The following UNC13C variants were observed in gnomAD, a reference collection of about 807,000 sequenced individuals.
UNC13C encodes unc-13 homolog C.
UNC13C carries 174 observed loss-of-function variants against 245.4 expected under a neutral mutation model. The observed-to-expected ratio is 0.71, with a 90% CI of 0.63 to 0.80. The LOEUF is 0.80. UNC13C is among the 30% of genes least tolerant of loss of function. The pLI, the probability that UNC13C is intolerant of heterozygous loss-of-function variation, is 0.00. For synonymous variants in UNC13C, 992 were observed against 895.1 expected (o/e 1.11, Z -1.93); for missense variants, 2,829 against 2,602.9 (o/e 1.09, Z -1.89).
chr15:54,220,472 G>A (rs12913512), intron 4 of UNC13C, among the ~76,000 whole-genome samples: 2 of 149,508 alleles, frequency 1.3e-5, no homozygotes, highest in Non-Finnish European at 1.5e-5. Flanking sequence ...GGGAGGGATA[G>A]CATTAGGAGA....
At chr15:54,533,212 T>G (rs1895840400) in intron 26 of UNC13C, 146 bp downstream of exon 26, 7 of 608,950 alleles carry the variant, frequency 1.1e-5, no homozygotes, top group Non-Finnish European at 1.9e-5. Context: ...AATAAATAAA[T>G]TCATTAAAAA....
At chr15:54,601,093 G>A in intron 30 of UNC13C, among the ~76,000 whole-genome samples, 1 of 152,188 alleles carries the variant, frequency 6.6e-6, no homozygotes, top group East Asian at 1.9e-4. Flanking sequence ...TGGCTTGAGG[G>A]TTGGACAAGC....
intron 19 of UNC13C, among the ~76,000 whole-genome samples, chr15:54,469,970 G>A (rs1031523477): frequency 1.3e-5 from 2 of 151,532 alleles, no homozygotes; most frequent in Admixed American, 6.6e-5. Flanking sequence ...TTATCATAAA[G>A]TGATGTTTAA....
intron 30 of UNC13C, among the ~76,000 whole-genome samples, chr15:54,601,522 G>A (rs920168692): frequency 3.3e-5 from 5 of 152,210 alleles, no homozygotes; most frequent in Non-Finnish European, 7.3e-5. Flanking sequence ...TGTGGGCAAA[G>A]TGGTGTAGAA....
At chr15:54,485,009 T>G (rs575150181) in intron 19 of UNC13C, among the ~76,000 whole-genome samples, 1 of 152,210 alleles carries the variant, frequency 6.6e-6, no homozygotes, top group Non-Finnish European at 1.5e-5. Flanking sequence ...TGAATTTTTT[T>G]TTTGTTTTAT....
At position 54,235,031 on chromosome 15, in the gene UNC13C, G is replaced by A; in HGVS notation, c.3073G>A (p.Ala1025Thr). 1 of 1,613,668 alleles carries A rather than the reference G, an allele frequency of 6.2e-7. No individual in the cohort carries two copies. The highest frequency in any genetic ancestry group is 1.1e-5 in the South Asian group (1 of 91,062). The part of the protein sequence containing the change: ...KFSALQVCGG[A>T]GGGLYGIDSM... ...TATTGGTTTTATTTTGTCTTTCAGG[G>A]CTGGAGGTGGACTTTATGGTATTGA... Residue 1025 changes from alanine (A) to threonine (T), a missense_variant and splice_region_variant, in exon 5 of 33, where the codon GCT (alanine) becomes ACT (threonine). By Grantham distance (58) the Ala-to-Thr change is moderately conservative. Transcript: ENST00000260323.
intron 4 of UNC13C, among the ~76,000 whole-genome samples, chr15:54,172,703 G>GATATATATATAT (rs56316345): frequency 1.3e-4 from 10 of 78,434 alleles, no homozygotes; most frequent in Non-Finnish European, 1.8e-4. Flanking sequence ...TACACACACA[G>GATATATATATAT]ATATATATAT....
At chr15:53,850,055 C>A in the UNC13C span, among the ~76,000 whole-genome samples, 4 of 152,202 alleles carry the variant, frequency 2.6e-5, no homozygotes, top group East Asian at 7.7e-4. Flanking sequence ...TTTAACATTT[C>A]TTGTGCTGCA....
the UNC13C span, chr15:53,911,936 A>G: frequency 6.6e-6 from 1 of 152,270 alleles, no homozygotes; most frequent in East Asian, 1.9e-4. Context: ...CCGCATACAC[A>G]AAGTGACTAT....
intron 18 of UNC13C, among the ~76,000 whole-genome samples, chr15:54,398,332 A>G (rs981535779): frequency 1.3e-4 from 19 of 151,462 alleles, no homozygotes; most frequent in Admixed American, 1.2e-3. Flanking sequence ...TCTTTCCTAC[A>G]TAATATTATA....
intron 29 of UNC13C, among the ~76,000 whole-genome samples, chr15:54,561,984 C>G (rs1357724112): frequency 6.6e-6 from 1 of 151,816 alleles, no homozygotes; most frequent in African/African-American, 2.4e-5. Context: ...GAGATTTCAG[C>G]CCCAGCGACT....
At chr15:54,028,598 A>G (rs1490437390) in intron 2 of UNC13C, among the ~76,000 whole-genome samples, 1 of 149,312 alleles carries the variant, frequency 6.7e-6, no homozygotes, top group Non-Finnish European at 1.5e-5. Context: ...TACCCTTGGC[A>G]TTTTTCCCAG....
the UNC13C span, among the ~76,000 whole-genome samples, chr15:53,934,013 C>T: frequency 4.6e-5 from 7 of 152,150 alleles, no homozygotes; most frequent in East Asian, 3.9e-4. Context: ...CAGGCAACTG[C>T]ATGGCTTCTG....
At chr15:53,901,580 A>G in the UNC13C span, among the ~76,000 whole-genome samples, 7 of 152,118 alleles carry the variant, frequency 4.6e-5, no homozygotes, top group African/African-American at 9.7e-5. Flanking sequence ...TCCTCTATCT[A>G]TAGACAATTA....
At chr15:54,385,283 G>T (rs2039813193) in intron 17 of UNC13C, among the ~76,000 whole-genome samples, 1 of 152,072 alleles carries the variant, frequency 6.6e-6, no homozygotes, top group Non-Finnish European at 1.5e-5. Context: ...GGAAAGATAT[G>T]AAATCAACCT....
chr15:54,289,770 C>G (rs771683773), intron 10 of UNC13C, among the ~76,000 whole-genome samples: 1 of 151,856 alleles, frequency 6.6e-6, no homozygotes, highest in African/African-American at 2.4e-5. Flanking sequence ...ACTGTGAAAC[C>G]CTGTATCACA....
At chr15:54,246,358 A>T (rs78785995) in intron 7 of UNC13C, among the ~76,000 whole-genome samples, 12,991 of 151,950 alleles carry the variant, frequency 0.085, 822 homozygotes, top group South Asian at 0.19. Context: ...GATGTCTATA[A>T]CAGCAAAAAA....
At chr15:54,062,011 A>G (rs922364145) in intron 2 of UNC13C, among the ~76,000 whole-genome samples, 3 of 152,064 alleles carry the variant, frequency 2.0e-5, no homozygotes, top group South Asian at 2.1e-4. Flanking sequence ...AGATGACTTC[A>G]TATATCTCTT....
chr15:53,995,883 G>A (rs1417488160), intron 1 of UNC13C, among the ~76,000 whole-genome samples: 1 of 152,194 alleles, frequency 6.6e-6, no homozygotes, highest in African/African-American at 2.4e-5. Context: ...GACTCGTGGA[G>A]AAGTAGAGAG....
Sources: gnomAD v4.1 joint callset for allele counts (sites outside exome capture counted in the v4.1 genomes callset) on GRCh38, gnomAD v4.1.1 for gene constraint, MANE v1.5 for transcripts, NCBI Gene and HGNC (gene_info 2026-07-23, HGNC 2026-07-21) for gene names.